The following NEK1 variants were observed in gnomAD, a reference collection of about 807,000 sequenced individuals.
The protein encoded by NEK1 is NIMA related kinase 1, also known as serine/threonine-protein kinase Nek1.
A neutral mutation model predicts 182.1 loss-of-function variants in NEK1; 137 were observed. That is an observed-to-expected ratio of 0.75 (90% CI 0.65 to 0.87). NEK1 has a LOEUF of 0.87. Among genes scored for constraint, NEK1 ranks in the 40% least tolerant of loss-of-function variants. The probability of loss-of-function intolerance (pLI) is 0.00; values close to 1 mark genes in which losing one functional copy is unlikely to be tolerated. For missense variants in NEK1, 1,391 were observed against 1,494.4 expected (o/e 0.93, Z 1.14); for synonymous variants, 513 against 492.2 (o/e 1.04, Z -0.56).
rs1731752118 is a variant in NEK1 at position 169,401,861 on chromosome 4, C to T, written c.3375-1G>A. The T allele has an allele frequency of 1.3e-6, 2 of 1,597,782 alleles. No individual in the cohort carries two copies. The highest frequency in any genetic ancestry group is 8.5e-7 in the Non-Finnish European group (1 of 1,171,364). On this transcript the variant is annotated splice_acceptor_variant, in intron 32 of 35. Transcript: ENST00000507142. LOFTEE classifies it high-confidence loss of function. ...ATCTGTGTCAGTTTCTTCAAACACA[C>T]TGAAATTTAAAAAGTATAACTAAAA...
chr4:169,422,875 C>T (rs1221178885), intron 31 of NEK1, among the ~76,000 whole-genome samples: 3 of 152,176 alleles, frequency 2.0e-5, no homozygotes, highest in African/African-American at 4.8e-5. Context: ...GATGGCTATA[C>T]ATCTTTACTA....
At chr4:169,565,164 A>C (rs541316650) in intron 12 of NEK1, among the ~76,000 whole-genome samples, 1 of 152,346 alleles carries the variant, frequency 6.6e-6, no homozygotes, top group South Asian at 2.1e-4. Context: ...AGATAAAAAC[A>C]ATACTGAAAT....
chr4:169,587,267 A>G (rs1182622923), intron 9 of NEK1, among the ~76,000 whole-genome samples: 1 of 152,032 alleles, frequency 6.6e-6, no homozygotes, highest in African/African-American at 2.4e-5. Flanking sequence ...AAGCTGAAAT[A>G]TCAAATTCAT....
Position 169,422,421 on chromosome 4 carries a change from A to G in NEK1, c.3222+2132T>C, listed in dbSNP as rs1198251380. ...TTGATGACACGGGTTAGAGTGGCAA[A>G]ATTAATGGAGTCAGTTCCTTGAAGA... On this transcript the variant is annotated intron_variant, in intron 31 of 35. Coordinates refer to ENST00000507142, the MANE Select transcript of NEK1 (RefSeq NM_001199397.3). Among the ~76,000 whole-genome samples, 5 of 152,196 alleles carry G rather than the reference A, an allele frequency of 3.3e-5. No homozygotes were observed. In the East Asian group the frequency reaches 7.7e-4, roughly 23 times the overall value.
At chr4:169,450,769 T>C (rs1330629751) in intron 27 of NEK1, among the ~76,000 whole-genome samples, 1 of 152,108 alleles carries the variant, frequency 6.6e-6, no homozygotes, top group Non-Finnish European at 1.5e-5. Context: ...AAATAAACAG[T>C]GAACATCATA....
At chr4:169,603,362 T>C (rs1464127976) in intron 2 of NEK1, among the ~76,000 whole-genome samples, 1 of 152,176 alleles carries the variant, frequency 6.6e-6, no homozygotes, top group Non-Finnish European at 1.5e-5. Flanking sequence ...TTTATTAAAA[T>C]CTTTGAGAAG....
chr4:169,480,982 C>T (rs950162697), intron 23 of NEK1, among the ~76,000 whole-genome samples: 6 of 152,290 alleles, frequency 3.9e-5, no homozygotes, highest in Admixed American at 1.3e-4. Context: ...GTTGCTTTAT[C>T]GACTAAGTTT....
rs1273280373 is a variant in NEK1, at chr4:169,550,236, G to A, written c.1562+5484C>T. Among the ~76,000 whole-genome samples the A allele has an allele frequency of 2.6e-5, 3 of 117,500 alleles. No homozygotes were observed. The East Asian group carries it at 8.4e-4, about 33-fold the overall frequency. 77.1% of individuals were successfully genotyped at this position (117,500 alleles called of 152,430 possible). A position where few individuals can be genotyped will look rare whatever the true frequency, so the allele number is the denominator to read the frequency against. On this transcript the variant is annotated intron_variant, in intron 18 of 35. Coordinates refer to ENST00000507142, the MANE Select transcript of NEK1 (RefSeq NM_001199397.3). The stretch of plus-strand genomic sequence containing the variant: ...TTCCCCTACACATGCTCTCTCTCTT[G>A]TCTGCTGCAAGACATGACTTTACTT...
chr4:169,495,347 C>T (rs943544032), intron 23 of NEK1, among the ~76,000 whole-genome samples: 4 of 151,168 alleles, frequency 2.6e-5, no homozygotes, highest in Non-Finnish European at 5.9e-5. Flanking sequence ...GGGTTCACGC[C>T]ATTCTCCTGC....
chr4:169,606,550 G>C (rs1771367682), intron 2 of NEK1, among the ~76,000 whole-genome samples: 1 of 152,110 alleles, frequency 6.6e-6, no homozygotes, highest in Non-Finnish European at 1.5e-5. Context: ...ACTCAAACAG[G>C]ATTGGTGAAG....
At chr4:169,571,895 A>ATTTTTTTTTT (rs57480182) in intron 12 of NEK1, among the ~76,000 whole-genome samples, 2 of 137,206 alleles carry the variant, frequency 1.5e-5, no homozygotes, top group Non-Finnish European at 1.5e-5. Flanking sequence ...TGCCCAGCTA[A>ATTTTTTTTTT]TTTTTTTTTT....
chr4:169,433,553 CTTTG>C lies in NEK1; in HGVS notation c.2873_2876del (p.Thr958ArgfsTer33). The C allele has an allele frequency of 1.2e-6, 2 of 1,607,730 alleles. No individual in the cohort carries two copies. Among genetic ancestry groups the C allele is most frequent in the South Asian group, 2.3e-5 (2 of 88,406 alleles). On this transcript the variant is annotated frameshift_variant, in exon 29 of 36. Transcript: ENST00000507142. LOFTEE classifies it high-confidence loss of function. ...GGAAAAGATGTACATACTGAGTTTC[CTTTG>C]TTTCTTTTTCCTCACTAATCCACAC...
intron 19 of NEK1, among the ~76,000 whole-genome samples, chr4:169,524,549 G>C (rs576636360): frequency 6.7e-5 from 10 of 149,716 alleles, no homozygotes; most frequent in African/African-American, 2.5e-4. Flanking sequence ...AAATCAAACA[G>C]AACAAGGTAC....
chr4:169,395,948 A>G (rs1169593947), intron 35 of NEK1, among the ~76,000 whole-genome samples: 2 of 152,236 alleles, frequency 1.3e-5, no homozygotes, highest in Admixed American at 6.5e-5. Context: ...TGTGGGGCTT[A>G]TCCATATTGA....
In NEK1 at chr4:169,555,741, G is replaced by T. The variant is rs778405162; in HGVS notation, c.1541C>A (p.Ser514Tyr). ...CAACCTGTTTGCATTGGCTTGTTTAGACACCGCCTTCAATCTTTTCAAAGT... is the reference window on the plus strand; with the variant it reads ...CAACCTGTTTGCATTGGCTTGTTTATACACCGCCTTCAATCTTTTCAAAGT... ...RKTLKRLKAV[S>Y]KQANANRQKG... is the part of the protein sequence containing the mutation. Residue 514 changes from serine to tyrosine, a missense_variant, in exon 18 of 36, where the codon TCT becomes TAT. By Grantham distance (144) the Ser-to-Tyr change is moderately radical. Around this residue, in one of 5 missense-constraint regions of NEK1, gnomAD observed 1,216 missense variants for 1,277.6 expected, o/e 0.95. Coordinates refer to ENST00000507142, the MANE Select transcript of NEK1 (RefSeq NM_001199397.3). 1 of 1,613,804 alleles carries T rather than the reference G, an allele frequency of 6.2e-7. No homozygotes were observed. The highest frequency in any genetic ancestry group is 1.1e-5 in the South Asian group (1 of 91,062).
rs571756236 is a variant in NEK1, at chr4:169,443,636, T to C, written c.2588-5377A>G. ...TCTAACGAAATAACAGCTGAAAATT[T>C]CCCAAGCCTTGTAAGAGATATAGAC... is the stretch of plus-strand genomic sequence containing the variant. On this transcript the variant is annotated intron_variant, in intron 27 of 35. Transcript: ENST00000507142. Among the ~76,000 whole-genome samples, 6 of 151,994 alleles carry C rather than the reference T, an allele frequency of 3.9e-5. No homozygotes were observed. In the East Asian group the frequency reaches 1.2e-3, roughly 29 times the overall value.
chr4:169,445,865 T>TATATATATATATATATATATATATATAC (rs569539235), intron 27 of NEK1, among the ~76,000 whole-genome samples: 1 of 143,268 alleles, frequency 7.0e-6, no homozygotes, highest in African/African-American at 2.8e-5. Flanking sequence ...TATATATATA[T>TATATATATATATATATATATATATATAC]ACACACACAC....
At chr4:169,416,933 A>T (rs1734642716) in intron 31 of NEK1, among the ~76,000 whole-genome samples, 1 of 152,200 alleles carries the variant, frequency 6.6e-6, no homozygotes, top group African/African-American at 2.4e-5. Context: ...AAGTGCATTC[A>T]TGAATATACT....
At chr4:169,413,679 T>C (rs1358556843) in intron 31 of NEK1, among the ~76,000 whole-genome samples, 3 of 152,192 alleles carry the variant, frequency 2.0e-5, no homozygotes, top group Non-Finnish European at 4.4e-5. Context: ...CACCATGTAC[T>C]TCACCTCTCT....
Sources: allele counts gnomAD v4.1 joint callset (sites outside exome capture counted in the v4.1 genomes callset), GRCh38; gene constraint gnomAD v4.1.1; regional missense constraint gnomAD v4.1.1; transcripts MANE v1.5; gene names NCBI Gene and HGNC (gene_info 2026-07-23, HGNC 2026-07-21).